Variants in SEMA4G observed in about 807,000 individuals in gnomAD.
The protein encoded by SEMA4G is semaphorin 4G.
Under a neutral mutation model 81.2 loss-of-function variants are expected in SEMA4G, and 59 were observed. The observed-to-expected ratio is 0.73, with a 90% CI of 0.59 to 0.90. The LOEUF is 0.90. Ranked by LOEUF, SEMA4G falls within the 40% of genes least tolerant of loss-of-function variation. The probability of loss-of-function intolerance (pLI) is 0.00; values close to 1 mark genes in which losing one functional copy is unlikely to be tolerated. For missense variants in SEMA4G, 952 were observed against 1,102.3 expected (o/e 0.86, Z 1.93); for synonymous variants, 404 against 433.9 (o/e 0.93, Z 0.86).
At chr10:100,978,998 C>G (rs765262844) in exon 7 of SEMA4G, 1 of 1,614,024 alleles carries the variant, frequency 6.2e-7, no homozygotes, top group Non-Finnish European at 8.5e-7. Flanking sequence ...CCGTGTGGCC[C>G]GTGTGGCTCG....
In SEMA4G at chr10:100,977,527, G is replaced by A. The variant is rs542156339; in HGVS notation, c.337-105G>A. 6.6e-5 allele frequency: 55 copies of A among 839,574 alleles called. No homozygotes were observed. The African/African-American group carries it at 7.5e-4, about 11-fold the overall frequency. 52.0% of individuals were successfully genotyped at this position (839,574 alleles called of 1,614,324 possible). On this transcript the variant is annotated intron_variant, in intron 3 of 13. Transcript: ENST00000370250. ...GATCACAGGTATCTTGGAAAGAACC[G>A]TTTGTCCTGTGGGTGGGGGCAAGAG... is the stretch of plus-strand genomic sequence containing the variant.
exon 14 of SEMA4G, chr10:100,984,254 T>G (rs976114197): frequency 6.9e-7 from 1 of 1,447,544 alleles, no homozygotes; most frequent in Non-Finnish European, 9.0e-7. Context: ...TCCCAACTTT[T>G]TGATGTCCCT....
At chr10:100,978,574 G>C in exon 6 of SEMA4G, 1 of 1,614,128 alleles carries the variant, frequency 6.2e-7, no homozygotes, top group Non-Finnish European at 8.5e-7. Context: ...GAGCATTCCT[G>C]ACATCCGCCG....
At position 100,973,750 on chromosome 10, in the gene SEMA4G, C is replaced by A; in HGVS notation, c.336+141C>A. The A allele has an allele frequency of 1.3e-6, 1 of 763,150 alleles. No individual in the cohort carries two copies. Among genetic ancestry groups the A allele is most frequent in the South Asian group, 1.9e-5 (1 of 53,482 alleles). The allele number at this position is 763,150 out of a possible 1,614,324, so 47.3% of individuals were successfully genotyped here. On this transcript the variant is annotated intron_variant, in intron 3 of 13. Transcript: ENST00000370250. The surrounding 1 kb of genome is among the most constrained non-coding windows in gnomAD (Gnocchi z 5.5). The stretch of plus-strand genomic sequence containing the variant: ...CCACAGTAAACATTGTAAGTATTGC[C>A]AGAGTGGCAAGCCATGGGCACAGCA...
chr10:100,973,184 G>T lies in SEMA4G; in HGVS notation c.180G>T (p.Leu60=), dbSNP rs1205748549. ...AAGCCCAGAACTACTCAACACTGCT[G>T]CTGGAGGAGGCCTCAGCAAGGCTGC... is the stretch of plus-strand genomic sequence containing the variant. The change falls in exon 2 of 14, where the codon CTG becomes CTT. Residue 60 remains leucine (L), a synonymous_variant. Transcript: ENST00000370250. This position sits in a 1 kb window ranked among gnomAD's most constrained non-coding sequence, Gnocchi z 5.5. 3.7e-6 allele frequency: 6 copies of T among 1,613,870 alleles called. No individual in the cohort carries two copies. In the East Asian group the frequency reaches 6.7e-5, roughly 18 times the overall value.
At chr10:100,974,426 C>T (rs975463640) in intron 3 of SEMA4G, among the ~76,000 whole-genome samples, 2 of 152,146 alleles carry the variant, frequency 1.3e-5, no homozygotes, top group Admixed American at 6.5e-5. Flanking sequence ...TTAAGCCACA[C>T]ATTCCAGCCT....
chr10:100,978,874 C>T (rs772951663), exon 7 of SEMA4G: 38 of 1,614,024 alleles, frequency 2.4e-5, no homozygotes, highest in Non-Finnish European at 3.0e-5. Flanking sequence ...TCTCCGTCCT[C>T]GTGCGGGAGA....
At chr10:100,979,617 G>A (rs796780996) in intron 8 of SEMA4G, among the ~76,000 whole-genome samples, 4 of 152,206 alleles carry the variant, frequency 2.6e-5, no homozygotes, top group East Asian at 1.9e-4. Flanking sequence ...TCTTGACCTC[G>A]TGATCTGCTC....
exon 9 of SEMA4G, chr10:100,979,933 G>C (rs749809765): frequency 6.2e-7 from 1 of 1,614,156 alleles, no homozygotes; most frequent in Non-Finnish European, 8.5e-7. Flanking sequence ...GGAATACCAG[G>C]ATGGTTCCCG....
exon 14 of SEMA4G, chr10:100,984,650 C>A: frequency 6.5e-7 from 1 of 1,536,142 alleles, no homozygotes; most frequent in Non-Finnish European, 8.7e-7. Context: ...GGCTGCAGTG[C>A]CCCCACCCTC....
Position 100,972,930 on chromosome 10 carries a change from G to A in SEMA4G, c.18G>A (p.Trp6Ter). ...CCAGGAAGATGTGGGGGAGGCTCTG[G>A]CCCCTCCTCCTCAGCATCCTCACAG... is the stretch of plus-strand genomic sequence containing the variant. The change falls in exon 1 of 14, where the codon TGG (tryptophan) becomes TGA (stop). Residue 6 changes from tryptophan to a stop codon, truncating the protein, a stop_gained. Coordinates refer to ENST00000370250, the Ensembl canonical transcript of SEMA4G. LOFTEE classifies it high-confidence loss of function. The A allele has an allele frequency of 6.2e-7, 1 of 1,611,966 alleles. No homozygotes were observed. The highest frequency in any genetic ancestry group is 8.5e-7 in the Non-Finnish European group (1 of 1,179,462).
upstream of SEMA4G, among the ~76,000 whole-genome samples, chr10:100,971,701 G>C (rs1294537952): frequency 6.6e-6 from 1 of 152,190 alleles, no homozygotes; most frequent in Non-Finnish European, 1.5e-5. Flanking sequence ...TAGGAGGCCT[G>C]TTACAGGGGT....
At position 100,973,750 on chromosome 10, in the gene SEMA4G, CA is replaced by C. The variant is rs1256687143; in HGVS notation, c.336+142del. 1.3e-6 allele frequency: 1 copy of C among 763,044 alleles called. No homozygotes were observed. The highest frequency in any genetic ancestry group is 1.8e-5 in the African/African-American group (1 of 56,114). 47.3% of individuals were successfully genotyped at this position (763,044 alleles called of 1,614,324 possible). ...CCACAGTAAACATTGTAAGTATTGC[CA>C]GAGTGGCAAGCCATGGGCACAGCAT... On this transcript the variant is annotated intron_variant, in intron 3 of 13. Coordinates refer to ENST00000370250, the Ensembl canonical transcript of SEMA4G. This position sits in a 1 kb window ranked among gnomAD's most constrained non-coding sequence, Gnocchi z 5.5.
chr10:100,979,009 T>C (rs118166648), exon 7 of SEMA4G: 122,289 of 1,614,018 alleles, frequency 0.076, 5,115 homozygotes, highest in Non-Finnish European at 0.087. Flanking sequence ...GTGTGGCTCG[T>C]GTCTGCAAGG....
intron 5 of SEMA4G, 21 bp downstream of exon 6, chr10:100,978,409 A>G (rs765938820): frequency 2.3e-5 from 37 of 1,609,328 alleles, no homozygotes; most frequent in Non-Finnish European, 3.1e-5. Flanking sequence ...CTTCTTCCCT[A>G]TCACAGACAT....
chr10:100,984,080 A>G (rs1227060568), exon 14 of SEMA4G: 2 of 1,613,706 alleles, frequency 1.2e-6, no homozygotes, highest in Non-Finnish European at 1.7e-6. Flanking sequence ...GCATCCTGGA[A>G]AAAAGGAAGC....
upstream of SEMA4G, among the ~76,000 whole-genome samples, chr10:100,972,014 T>C (rs956821851): frequency 6.6e-6 from 1 of 151,802 alleles, no homozygotes; most frequent in Non-Finnish European, 1.5e-5. Context: ...TGCACCCCCT[T>C]GGAGAGGAAT....
In SEMA4G at chr10:100,973,177, C is replaced by T. The variant is rs1850682873; in HGVS notation, c.173C>T (p.Thr58Ile). Residue 58 changes from threonine (T) to isoleucine (I), a missense_variant, in exon 2 of 14, where the codon ACA becomes ATA. Physicochemically the swap from Thr to Ile is moderately conservative, Grantham distance 89 (BLOSUM62 -1). This residue lies in a region of SEMA4G where 436 missense variants were observed against 488.2 expected (regional missense o/e 0.89). Coordinates refer to ENST00000370250, the Ensembl canonical transcript of SEMA4G. The surrounding 1 kb of genome is among the most constrained non-coding windows in gnomAD (Gnocchi z 5.5). ...AAGGGCCAAGCCCAGAACTACTCAACACTGCTGCTGGAGGAGGCCTCAGCA... is the reference window on the plus strand; with the variant it reads ...AAGGGCCAAGCCCAGAACTACTCAATACTGCTGCTGGAGGAGGCCTCAGCA... 6.2e-7 allele frequency: 1 copy of T among 1,613,972 alleles called. No homozygotes were observed. Among genetic ancestry groups the T allele is most frequent in the South Asian group, 1.1e-5 (1 of 91,084 alleles).
chr10:100,981,468 G>A, intron 13 of SEMA4G: 2 of 1,614,186 alleles, frequency 1.2e-6, no homozygotes, highest in Non-Finnish European at 1.7e-6. Flanking sequence ...GGAGCTTATA[G>A]CCAAGTAGTG....
Sources: gnomAD v4.1 joint callset for allele counts (sites outside exome capture counted in the v4.1 genomes callset) on GRCh38, gnomAD v4.1.1 for gene constraint, gnomAD v4.1.1 regional missense constraint, Gnocchi (gnomAD v3.1) non-coding constraint, MANE v1.5 for transcripts, NCBI Gene and HGNC (gene_info 2026-07-23, HGNC 2026-07-21) for gene names.